The following EPB41 variants were observed in gnomAD, a reference collection of about 807,000 sequenced individuals.
EPB41 encodes the protein protein 4.1.
EPB41 carries 65 observed loss-of-function variants against 108.0 expected under a neutral mutation model. The ratio of observed to expected loss-of-function variants is 0.60; its 90% CI spans 0.49 to 0.74. The LOEUF is 0.74. Ranked by LOEUF, EPB41 falls within the 30% of genes least tolerant of loss-of-function variation. The pLI is 0.00. For missense variants in EPB41, 875 were observed against 1,037.0 expected (o/e 0.84, Z 2.15); for synonymous variants, 336 against 358.9 (o/e 0.94, Z 0.72).
chr1:29,078,231 AAG>A (rs529413956), intron 16 of EPB41, among the ~76,000 whole-genome samples: 4 of 152,228 alleles, frequency 2.6e-5, no homozygotes, highest in East Asian at 1.9e-4. Flanking sequence ...AAAAAAGAAA[AAG>A]AGGGGGTGAG....
intron 16 of EPB41, among the ~76,000 whole-genome samples, chr1:29,081,899 T>C (rs1385401418): frequency 4.0e-5 from 6 of 151,790 alleles, no homozygotes; most frequent in Non-Finnish European, 5.9e-5. Flanking sequence ...GCTCAAAGTA[T>C]GTACCTTGTG....
At chr1:28,898,978 G>A (rs931265746) in intron 1 of EPB41, among the ~76,000 whole-genome samples, 2 of 151,840 alleles carry the variant, frequency 1.3e-5, no homozygotes, top group Non-Finnish European at 1.5e-5. Flanking sequence ...TCCAGTGGTC[G>A]GGGTAGAGCT....
At chr1:29,006,397 C>T (rs897448460) in intron 4 of EPB41, among the ~76,000 whole-genome samples, 2 of 151,862 alleles carry the variant, frequency 1.3e-5, no homozygotes, top group Admixed American at 6.6e-5. Context: ...CCACCCAGCC[C>T]GTCTAATTTT....
intron 1 of EPB41, among the ~76,000 whole-genome samples, chr1:28,948,849 T>G (rs1408306696): frequency 1.3e-5 from 2 of 152,026 alleles, no homozygotes; most frequent in Non-Finnish European, 2.9e-5. Context: ...CTCGGGAGGC[T>G]AAGGCAGAAG....
rs1403735958 is a variant in EPB41, at chr1:28,989,384, C to T, written c.468+1479C>T. On this transcript the variant is annotated intron_variant, in intron 2 of 20. Transcript: ENST00000343067. ...CACCATTACAATTAAGAATTATTTTCAGAGTCTTCTTATTTCTGAAGCATG... is the reference window on the plus strand; with the variant it reads ...CACCATTACAATTAAGAATTATTTTTAGAGTCTTCTTATTTCTGAAGCATG... The T allele has an allele frequency of 4.1e-6, 4 of 978,070 alleles. No homozygotes were observed. The African/African-American group carries it at 7.0e-5, about 17-fold the overall frequency. 60.6% of individuals were successfully genotyped at this position (978,070 alleles called of 1,614,324 possible).
chr1:29,053,630 GCTCA>G (rs1406905570), intron 12 of EPB41: 6 of 255,584 alleles, frequency 2.3e-5, no homozygotes, highest in Non-Finnish European at 4.6e-5. Context: ...TGCGATCTTG[GCTCA>G]CTGCAAACTC....
intron 1 of EPB41, among the ~76,000 whole-genome samples, chr1:28,983,788 C>T (rs977934081): frequency 2.0e-5 from 3 of 151,914 alleles, no homozygotes; most frequent in South Asian, 2.1e-4. Flanking sequence ...ATGCCATCCA[C>T]GAACAGCTTA....
At chr1:28,950,131 G>A (rs747067258) in intron 1 of EPB41, among the ~76,000 whole-genome samples, 5 of 152,144 alleles carry the variant, frequency 3.3e-5, no homozygotes, top group Non-Finnish European at 7.4e-5. Context: ...ATGTGTAGGT[G>A]TGTGTAAGCA....
At chr1:29,057,351 G>A (rs1645678278) in intron 12 of EPB41, among the ~76,000 whole-genome samples, 1 of 131,598 alleles carries the variant, frequency 7.6e-6, no homozygotes, top group Admixed American at 8.9e-5. Flanking sequence ...TCCAGCCTGG[G>A]CGACAGAGTG....
chr1:29,047,990 G>A (rs1005404728), intron 11 of EPB41, among the ~76,000 whole-genome samples: 1 of 151,490 alleles, frequency 6.6e-6, no homozygotes, highest in African/African-American at 2.4e-5. Context: ...CACCATGTTG[G>A]TCAGGCTGGT....
intron 16 of EPB41, among the ~76,000 whole-genome samples, chr1:29,075,895 A>T (rs1653853388): frequency 6.6e-6 from 1 of 151,490 alleles, no homozygotes; most frequent in African/African-American, 2.4e-5. Flanking sequence ...CCAGTGCTTG[A>T]CTCTTCTCTG....
chr1:28,974,804 T>C (rs2095565666), intron 1 of EPB41, among the ~76,000 whole-genome samples: 1 of 151,868 alleles, frequency 6.6e-6, no homozygotes, highest in Non-Finnish European at 1.5e-5. Flanking sequence ...GTTTTTGTTT[T>C]TTTTTTTTGA....
At chr1:29,031,039 G>C (rs1266903253) in intron 8 of EPB41, among the ~76,000 whole-genome samples, 1 of 151,964 alleles carries the variant, frequency 6.6e-6, no homozygotes, top group Non-Finnish European at 1.5e-5. Flanking sequence ...TCGATCTCCT[G>C]ACCTCGTGAT....
chr1:29,035,945 T>A, intron 10 of EPB41, 22 bp downstream of exon 10: 1 of 1,537,640 alleles, frequency 6.5e-7, no homozygotes. Flanking sequence ...ACTTAAGTAT[T>A]TTTCAAGGAT....
At chr1:28,965,012 A>G (rs561085552) in intron 1 of EPB41, among the ~76,000 whole-genome samples, 1 of 152,244 alleles carries the variant, frequency 6.6e-6, no homozygotes, top group Non-Finnish European at 1.5e-5. Flanking sequence ...CTGATTTTTA[A>G]AATAGACTGT....
intron 1 of EPB41, among the ~76,000 whole-genome samples, chr1:28,950,837 T>G (rs184509876): frequency 1.3e-5 from 2 of 152,266 alleles, no homozygotes; most frequent in East Asian, 3.9e-4. Flanking sequence ...TAGCAGTTTC[T>G]GTACTTTTTT....
intron 4 of EPB41, among the ~76,000 whole-genome samples, chr1:29,011,583 C>T (rs1443209532): frequency 6.6e-6 from 1 of 152,160 alleles, no homozygotes; most frequent in Non-Finnish European, 1.5e-5. Flanking sequence ...ATGAAGTAGG[C>T]ACTACTACCA....
Position 29,097,753 on chromosome 1 carries a change from C to G in EPB41, c.2185-54C>G, listed in dbSNP as rs1411442773. ...TGATCAGATCAGTGTCAGAAGATTA[C>G]TTCTCCATTGCCTTCAGAAATACTC... On this transcript the variant is annotated intron_variant, in intron 16 of 20. Transcript: ENST00000343067. 6.9e-6 allele frequency: 11 copies of G among 1,598,570 alleles called. No homozygotes were observed. The Middle Eastern group carries it at 5.0e-4, about 72-fold the overall frequency.
intron 6 of EPB41, among the ~76,000 whole-genome samples, chr1:29,016,501 T>C (rs770294510): frequency 1.3e-5 from 2 of 152,188 alleles, no homozygotes; most frequent in Middle Eastern, 6.8e-3. Flanking sequence ...ACCATCTTCC[T>C]TCTTATAGGT....
Sources: allele counts gnomAD v4.1 joint callset (sites outside exome capture counted in the v4.1 genomes callset), GRCh38; gene constraint gnomAD v4.1.1; transcripts MANE v1.5; gene names NCBI Gene and HGNC (gene_info 2026-07-23, HGNC 2026-07-21).